BRINP3: variants seen among roughly 807,000 people sequenced by gnomAD.
BRINP3 encodes the protein BMP/retinoic acid inducible neural specific 3.
Under a neutral mutation model 71.0 loss-of-function variants are expected in BRINP3, and 19 were observed. That is an observed-to-expected ratio of 0.27 (90% CI 0.19 to 0.39). The LOEUF is 0.39. BRINP3 is among the 10% of genes least tolerant of loss of function. BRINP3 has a pLI of 1.00. For synonymous variants in BRINP3, 380 were observed against 337.7 expected (o/e 1.13, Z -1.37); for missense variants, 959 against 940.8 (o/e 1.02, Z -0.25).
intron 4 of BRINP3, among the ~76,000 whole-genome samples, chr1:190,236,522 TA>T (rs1438244845): frequency 6.6e-6 from 1 of 151,990 alleles, no homozygotes; most frequent in East Asian, 1.9e-4. Context: ...TTCTAAATGA[TA>T]ACTCCTTGAT....
intron 2 of BRINP3, among the ~76,000 whole-genome samples, chr1:190,339,549 G>A (rs1484479872): frequency 2.6e-5 from 4 of 151,952 alleles, no homozygotes; most frequent in Admixed American, 6.6e-5. Context: ...AATCCCTGAA[G>A]AGGAGATCTT....
intron 2 of BRINP3, among the ~76,000 whole-genome samples, chr1:190,347,077 A>C (rs952950593): frequency 6.6e-6 from 1 of 152,144 alleles, no homozygotes; most frequent in Non-Finnish European, 1.5e-5. Context: ...AGTAGCAGTT[A>C]CCCTAATAAT....
intron 2 of BRINP3, among the ~76,000 whole-genome samples, chr1:190,343,539 T>G (rs1667809925): frequency 1.3e-5 from 2 of 151,756 alleles, no homozygotes; most frequent in South Asian, 4.1e-4. Context: ...GACATATAAA[T>G]TAAGTGCATA....
intron 7 of BRINP3, among the ~76,000 whole-genome samples, chr1:190,158,868 G>GGA (rs140109633): frequency 8.3e-4 from 123 of 148,598 alleles, no homozygotes; most frequent in East Asian, 5.7e-3. Flanking sequence ...ACAGGGAGGG[G>GGA]GAGAGAGAGA....
chr1:190,342,963 AC>A (rs1162111755), intron 2 of BRINP3, among the ~76,000 whole-genome samples: 2 of 151,888 alleles, frequency 1.3e-5, no homozygotes, highest in East Asian at 3.9e-4. Context: ...AGCTTTGAAT[AC>A]AAGTTTAAGG....
At chr1:190,375,947 A>G (rs1670157294) in intron 2 of BRINP3, among the ~76,000 whole-genome samples, 1 of 151,990 alleles carries the variant, frequency 6.6e-6, no homozygotes, top group African/African-American at 2.4e-5. Context: ...AATCTCCATC[A>G]TAATAAAAAT....
intron 2 of BRINP3, among the ~76,000 whole-genome samples, chr1:190,388,509 G>A (rs908938324): frequency 1.3e-5 from 2 of 151,756 alleles, no homozygotes; most frequent in Non-Finnish European, 2.9e-5. Context: ...TATGACAGAG[G>A]AAAAGATTGG....
At chr1:190,187,238 C>G (rs372600306) in intron 6 of BRINP3, among the ~76,000 whole-genome samples, 1 of 151,956 alleles carries the variant, frequency 6.6e-6, no homozygotes, top group South Asian at 2.1e-4. Context: ...TGTTTTATTG[C>G]TATTAAGTTG....
At position 190,464,183 on chromosome 1, in the gene BRINP3, TA is replaced by T. The variant is rs537301901; in HGVS notation, c.-50-9244del. Among the ~76,000 whole-genome samples, 28 of 151,888 alleles carry T rather than the reference TA, an allele frequency of 1.8e-4. No individual in the cohort carries two copies. In the East Asian group the frequency reaches 5.2e-3, roughly 28 times the overall value. Reference sequence around the variant, plus strand: ...TAAACTAAAAGTTAGTGATAATCCTTAAAGAAAAATGGTATTTAATTCCAAG... The same window carrying T: ...TAAACTAAAAGTTAGTGATAATCCTTAAGAAAAATGGTATTTAATTCCAAG... On this transcript the variant is annotated intron_variant, in intron 1 of 7. Coordinates refer to ENST00000367462, the MANE Select transcript of BRINP3 (RefSeq NM_199051.3).
chr1:190,199,739 A>G (rs1454638525), intron 6 of BRINP3, among the ~76,000 whole-genome samples: 2 of 149,724 alleles, frequency 1.3e-5, no homozygotes, highest in South Asian at 2.1e-4. Flanking sequence ...CATTCCTAAC[A>G]ATTGCAATCT....
At chr1:190,404,752 C>T (rs191424095) in intron 2 of BRINP3, among the ~76,000 whole-genome samples, 3 of 152,104 alleles carry the variant, frequency 2.0e-5, no homozygotes, top group Admixed American at 6.5e-5. Flanking sequence ...AGTATCTTGC[C>T]GAATAATACA....
chr1:190,296,391 C>T (rs2102982605), intron 2 of BRINP3, among the ~76,000 whole-genome samples: 1 of 152,000 alleles, frequency 6.6e-6, no homozygotes, highest in Admixed American at 6.6e-5. Context: ...TAAAAACTCT[C>T]AACATATTAG....
chr1:190,432,356 A>G (rs1674156923), intron 2 of BRINP3, among the ~76,000 whole-genome samples: 1 of 152,212 alleles, frequency 6.6e-6, no homozygotes, highest in Non-Finnish European at 1.5e-5. Context: ...TTTAAGGGCC[A>G]TAACATGCAG....
chr1:190,158,634 AT>A (rs1657075231), intron 7 of BRINP3, among the ~76,000 whole-genome samples: 1 of 152,072 alleles, frequency 6.6e-6, no homozygotes, highest in Non-Finnish European at 1.5e-5. Context: ...ATTAAAAAGA[AT>A]GTTTTATTCC....
At chr1:190,276,902 A>G (rs1196866340) in intron 3 of BRINP3, among the ~76,000 whole-genome samples, 1 of 150,540 alleles carries the variant, frequency 6.6e-6, no homozygotes, top group African/African-American at 2.4e-5. Context: ...CTTGCAAATG[A>G]AAAAAGTATA....
At chr1:190,354,875 T>C (rs1668631247) in intron 2 of BRINP3, among the ~76,000 whole-genome samples, 1 of 151,804 alleles carries the variant, frequency 6.6e-6, no homozygotes, top group Admixed American at 6.6e-5. Context: ...TACCTCTATT[T>C]AAAATTTGAC....
intron 7 of BRINP3, among the ~76,000 whole-genome samples, chr1:190,128,484 G>C (rs1405568943): frequency 6.6e-6 from 1 of 151,648 alleles, no homozygotes; most frequent in Non-Finnish European, 1.5e-5. Flanking sequence ...ACATCAAATG[G>C]ACATGAGTTG....
rs957048918 is a variant in BRINP3, at chr1:190,397,394, C to A, written c.236+57261G>T. Among the ~76,000 whole-genome samples, 3 of 151,884 alleles carry A rather than the reference C, an allele frequency of 2.0e-5. No homozygotes were observed. In the East Asian group the frequency reaches 5.8e-4, roughly 29 times the overall value. ...GGCTCCTGTTCTGCATTTCCCATAC[C>A]TGTCTCTGCATTTCTAGCTCTCTTT... On this transcript the variant is annotated intron_variant, in intron 2 of 7. Transcript: ENST00000367462.
intron 5 of BRINP3, 39 bp downstream of exon 5, chr1:190,234,333 T>A: frequency 6.8e-7 from 1 of 1,468,456 alleles, no homozygotes; most frequent in East Asian, 2.3e-5. Flanking sequence ...TAATTGCTAT[T>A]CAGGCTTGTA....
Sources: gnomAD v4.1 joint callset for allele counts (sites outside exome capture counted in the v4.1 genomes callset) on GRCh38, gnomAD v4.1.1 for gene constraint, MANE v1.5 for transcripts, NCBI Gene and HGNC (gene_info 2026-07-23, HGNC 2026-07-21) for gene names.